The following MAP3K14 variants were observed in gnomAD, a reference collection of about 807,000 sequenced individuals.
MAP3K14 encodes the protein mitogen-activated protein kinase kinase kinase 14.
Under a neutral mutation model 99.2 loss-of-function variants are expected in MAP3K14, and 16 were observed. The observed-to-expected ratio is 0.16, with a 90% CI of 0.11 to 0.24. MAP3K14 has a LOEUF of 0.24. Ranked by LOEUF, MAP3K14 falls within the 10% of genes least tolerant of loss-of-function variation. The probability of loss-of-function intolerance (pLI) is 1.00; values close to 1 mark genes in which losing one functional copy is unlikely to be tolerated. For missense variants in MAP3K14, 784 were observed against 1,208.7 expected (o/e 0.65, Z 5.21); for synonymous variants, 462 against 492.4 (o/e 0.94, Z 0.82).
At chr17:45,309,027 C>T (rs529092550) in intron 1 of MAP3K14, among the ~76,000 whole-genome samples, 119 of 152,258 alleles carry the variant, frequency 7.8e-4, no homozygotes, top group African/African-American at 2.6e-3. Context: ...GTTGTCCAGG[C>T]TGGTCTCCAG....
intron 2 of MAP3K14, among the ~76,000 whole-genome samples, chr17:45,290,161 GC>G (rs1470701225): frequency 2.6e-5 from 4 of 152,158 alleles, no homozygotes; most frequent in African/African-American, 4.8e-5. Flanking sequence ...CCTGTCTGGA[GC>G]CTCTCCAGAC....
In MAP3K14 at chr17:45,265,215, C is replaced by T; in HGVS notation, c.2627G>A (p.Arg876Gln). The T allele has an allele frequency of 4.3e-6, 7 of 1,613,884 alleles. No homozygotes were observed. Among genetic ancestry groups the T allele is most frequent in the South Asian group, 1.1e-5 (1 of 91,076 alleles). The change falls in exon 15 of 16, where the codon CGG becomes CAG. Residue 876 changes from arginine to glutamine, a missense_variant. By Grantham distance (43) the Arg-to-Gln change is conservative. Transcript: ENST00000344686. ...QSLNGEHLHI[R>Q]EFHRVKVGDI... ...TCCCACTTTGACCCGGTGGAACTCC[C>T]GGATGTGCAGGTGTTCACCATTAAG...
chr17:45,284,114 G>T (rs1272710455), intron 6 of MAP3K14, among the ~76,000 whole-genome samples: 1 of 152,214 alleles, frequency 6.6e-6, no homozygotes, highest in African/African-American at 2.4e-5. Context: ...TGAGATGAAG[G>T]GGTGGGAGGG....
chr17:45,278,702 A>G (rs1441992549), intron 6 of MAP3K14, among the ~76,000 whole-genome samples: 1 of 148,114 alleles, frequency 6.8e-6, no homozygotes. Context: ...TTTTTGAGAC[A>G]AGGTCTCCCT....
intron 1 of MAP3K14, among the ~76,000 whole-genome samples, chr17:45,301,593 T>C (rs1223968895): frequency 1.3e-5 from 2 of 152,168 alleles, no homozygotes; most frequent in Non-Finnish European, 2.9e-5. Context: ...TAAATCATTT[T>C]AACAATATGG....
At chr17:45,288,636 A>T (rs1448135195) in intron 3 of MAP3K14, among the ~76,000 whole-genome samples, 1 of 152,232 alleles carries the variant, frequency 6.6e-6, no homozygotes, top group East Asian at 1.9e-4. Flanking sequence ...TCGGCCTCAG[A>T]AAGTGCTGGG....
intron 1 of MAP3K14, among the ~76,000 whole-genome samples, chr17:45,293,822 T>G (rs573544576): frequency 2.0e-5 from 3 of 152,130 alleles, no homozygotes; most frequent in African/African-American, 7.2e-5. Context: ...CAGACACACA[T>G]GCACACACAC....
intron 2 of MAP3K14, among the ~76,000 whole-genome samples, chr17:45,290,227 CAG>C (rs1429848724): frequency 6.6e-6 from 1 of 152,202 alleles, no homozygotes; most frequent in Non-Finnish European, 1.5e-5. Context: ...GATGATTCTG[CAG>C]AGTCCCGAGT....
chr17:45,304,398 T>C (rs906234031), intron 1 of MAP3K14, among the ~76,000 whole-genome samples: 2 of 152,222 alleles, frequency 1.3e-5, no homozygotes, highest in Admixed American at 6.5e-5. Flanking sequence ...TTTTCACTTA[T>C]ACGTAATAAT....
chr17:45,267,971 G>C lies in MAP3K14; in HGVS notation c.1973-212C>G. On this transcript the variant is annotated intron_variant, in intron 11 of 15. Transcript: ENST00000344686. This position sits in a 1 kb window ranked among gnomAD's most constrained non-coding sequence, Gnocchi z 5.1. Reference sequence around the variant, plus strand: ...AAATGGTCCCAATATGACAGGGATAGGACTGGATTTCTGTCTTTGATTCTG... The same window carrying C: ...AAATGGTCCCAATATGACAGGGATACGACTGGATTTCTGTCTTTGATTCTG... 2.0e-6 allele frequency: 1 copy of C among 497,010 alleles called. No individual in the cohort carries two copies. The highest frequency in any genetic ancestry group is 4.1e-5 in the Admixed American group (1 of 24,278). 30.8% of individuals were successfully genotyped at this position (497,010 alleles called of 1,614,324 possible).
At chr17:45,301,942 C>T (rs1389822101) in intron 1 of MAP3K14, among the ~76,000 whole-genome samples, 2 of 151,812 alleles carry the variant, frequency 1.3e-5, no homozygotes, top group East Asian at 3.9e-4. Context: ...AAGTGATCCT[C>T]CCATTTCAGT....
At chr17:45,266,281 G>T (rs958303574) in intron 14 of MAP3K14, 3 of 403,924 alleles carry the variant, frequency 7.4e-6, no homozygotes, top group African/African-American at 4.0e-5. Context: ...CCAAGCTAGG[G>T]GAACCTTCTG....
intron 1 of MAP3K14, among the ~76,000 whole-genome samples, chr17:45,307,278 T>A (rs947705471): frequency 5.3e-5 from 8 of 151,764 alleles, no homozygotes; most frequent in African/African-American, 1.5e-4. Flanking sequence ...AAAAAAAAAT[T>A]AATTAATTAA....
chr17:45,285,014 A>T, intron 5 of MAP3K14, 65 bp from the exon 6 acceptor site: 13 of 1,507,520 alleles, frequency 8.6e-6, no homozygotes, highest in Non-Finnish European at 1.2e-5. Flanking sequence ...ACAGGGCTAC[A>T]GTGAGGAAGA....
At chr17:45,282,529 T>G (rs2143810882) in intron 6 of MAP3K14, among the ~76,000 whole-genome samples, 1 of 138,232 alleles carries the variant, frequency 7.2e-6, no homozygotes, top group Middle Eastern at 3.9e-3. Flanking sequence ...CATACTAGCC[T>G]GGACAACAGA....
At chr17:45,308,769 G>A (rs1222364691) in intron 1 of MAP3K14, among the ~76,000 whole-genome samples, 1 of 151,718 alleles carries the variant, frequency 6.6e-6, no homozygotes, top group Non-Finnish European at 1.5e-5. Context: ...CCAGGTTCAA[G>A]TGATTCTTGT....
At chr17:45,304,288 G>T (rs1425231258) in intron 1 of MAP3K14, among the ~76,000 whole-genome samples, 2 of 152,196 alleles carry the variant, frequency 1.3e-5, no homozygotes, top group East Asian at 3.8e-4. Context: ...ACAGGTGTGA[G>T]CCACCATGGT....
At chr17:45,265,284 T>TA (rs767330791) in intron 14 of MAP3K14, 21 bp from the exon 15 acceptor site, 2 of 1,539,560 alleles carry the variant, frequency 1.3e-6, no homozygotes, top group South Asian at 2.2e-5. Context: ...GACAAGGTGA[T>TA]AGTCAGGAGA....
chr17:45,277,330 TC>T, intron 6 of MAP3K14, among the ~76,000 whole-genome samples: 1 of 152,256 alleles, frequency 6.6e-6, no homozygotes, highest in East Asian at 1.9e-4. Context: ...TTGTCCTCCT[TC>T]CTAGCTGCTG....
Sources: allele counts gnomAD v4.1 joint callset (sites outside exome capture counted in the v4.1 genomes callset), GRCh38; gene constraint gnomAD v4.1.1; non-coding constraint Gnocchi (gnomAD v3.1); transcripts MANE v1.5; gene names NCBI Gene and HGNC (gene_info 2026-07-23, HGNC 2026-07-21).